Variants in PC observed in about 807,000 individuals in gnomAD.
The protein encoded by PC is pyruvate carboxylase, mitochondrial.
A neutral mutation model predicts 107.8 loss-of-function variants in PC; 46 were observed. The ratio of observed to expected loss-of-function variants is 0.43; its 90% CI spans 0.34 to 0.55. PC has a LOEUF of 0.55. Ranked by LOEUF, PC falls within the 20% of genes least tolerant of loss-of-function variation. PC has a pLI of 0.04. For missense variants in PC, 1,241 were observed against 1,643.1 expected (o/e 0.76, Z 4.23); for synonymous variants, 662 against 684.7 (o/e 0.97, Z 0.52).
intron 3 of PC, among the ~76,000 whole-genome samples, chr11:66,885,763 A>G (rs982193149): frequency 2.0e-5 from 3 of 152,120 alleles, no homozygotes; most frequent in African/African-American, 7.2e-5. Context: ...CATCCGAGAG[A>G]GCACGGCCCT....
At chr11:66,856,090 C>T (rs1415296158) in intron 12 of PC, among the ~76,000 whole-genome samples, 7 of 152,220 alleles carry the variant, frequency 4.6e-5, no homozygotes, top group Admixed American at 3.3e-4. Flanking sequence ...AAACCAGGCT[C>T]GCCGAGCCAC....
At chr11:66,928,212 C>T (rs1948764664) in intron 3 of PC, among the ~76,000 whole-genome samples, 2 of 152,024 alleles carry the variant, frequency 1.3e-5, no homozygotes, top group South Asian at 4.2e-4. Flanking sequence ...CGGTGAAACC[C>T]CATCTCTCCT....
In PC at chr11:66,850,897, C is replaced by T. The variant is rs760695580; in HGVS notation, c.2250G>A (p.Thr750=). Residue 750 remains threonine (T), a synonymous_variant, in exon 18 of 23, where the codon ACG becomes ACA. Transcript: ENST00000393960. ...IKDMAGLLKP[T]ACTMLVSSLR... ...GGGAGCTGACCAGCATGGTGCAGGCCGTGGGCTTCAGCAGCCCGGCCATGT... is the reference window on the plus strand; with the variant it reads ...GGGAGCTGACCAGCATGGTGCAGGCTGTGGGCTTCAGCAGCCCGGCCATGT... 16 of 1,610,196 alleles carry T rather than the reference C, an allele frequency of 9.9e-6. No homozygotes were observed. Among genetic ancestry groups the T allele is most frequent in the South Asian group, 5.5e-5 (5 of 91,080 alleles).
At chr11:66,865,754 C>T (rs1946466639) in intron 11 of PC, among the ~76,000 whole-genome samples, 1 of 152,164 alleles carries the variant, frequency 6.6e-6, no homozygotes, top group African/African-American at 2.4e-5. Context: ...TTGGCTCAGA[C>T]TCCATTGGGA....
At chr11:66,924,839 GGGGAA>G (rs2136099663) in intron 3 of PC, among the ~76,000 whole-genome samples, 1 of 152,288 alleles carries the variant, frequency 6.6e-6, no homozygotes, top group South Asian at 2.1e-4. Context: ...GGAGGTATCG[GGGGAA>G]ACAGCCCCTG....
intron 3 of PC, among the ~76,000 whole-genome samples, chr11:66,875,879 C>G (rs936076782): frequency 6.6e-6 from 1 of 152,096 alleles, no homozygotes. Context: ...AGGTTAATAT[C>G]ACTAGCACCG....
At chr11:66,853,069 G>T in intron 13 of PC, 170 bp downstream of exon 13, 1 of 760,648 alleles carries the variant, frequency 1.3e-6, no homozygotes, top group Non-Finnish European at 2.1e-6. Context: ...AAGGAGAGCA[G>T]TGAATGGCAG....
intron 3 of PC, among the ~76,000 whole-genome samples, chr11:66,911,378 C>T (rs1426756861): frequency 6.8e-6 from 1 of 147,100 alleles, no homozygotes; most frequent in East Asian, 2.0e-4. Flanking sequence ...CCCACTAGAC[C>T]AGGGATAATA....
In PC at chr11:66,870,303, T is replaced by C; in HGVS notation, c.902A>G (p.Gln301Arg). 1 of 1,613,064 alleles carries C rather than the reference T, an allele frequency of 6.2e-7. No homozygotes were observed. The highest frequency in any genetic ancestry group is 1.7e-5 in the Admixed American group (1 of 60,014). ...CAACACGGGAAGCCCACCCTTCACC[T>C]GTTTAGCGAGTTTCACAGAGTCGCT... ...LTSDSVKLAK[Q>R]VGYENAGTVE... The change falls in exon 9 of 23, where the codon CAG becomes CGG. Residue 301 changes from glutamine (Q) to arginine (R), a missense_variant and splice_region_variant. Gln to Arg is a conservative substitution (Grantham distance 43). Transcript: ENST00000393960. This position sits in a 1 kb window ranked among gnomAD's most constrained non-coding sequence, Gnocchi z 6.1.
At chr11:66,860,513 G>C in intron 12 of PC, 1 of 702,414 alleles carries the variant, frequency 1.4e-6, no homozygotes, top group Non-Finnish European at 2.6e-6. Context: ...GGTCCCCCGA[G>C]ACGGGAGGAC....
intron 1 of PC, among the ~76,000 whole-genome samples, chr11:66,955,627 C>A (rs1186536184): frequency 6.6e-6 from 1 of 152,174 alleles, no homozygotes; most frequent in East Asian, 1.9e-4. Context: ...AAGCCCCTTC[C>A]CTAAGAGCAG....
chr11:66,915,026 T>C (rs977423296), intron 3 of PC, among the ~76,000 whole-genome samples: 2 of 152,088 alleles, frequency 1.3e-5, no homozygotes, highest in Non-Finnish European at 2.9e-5. Flanking sequence ...AGCAAGACCC[T>C]GTCTCAAAAA....
intron 3 of PC, among the ~76,000 whole-genome samples, chr11:66,892,283 C>G (rs1379676302): frequency 6.6e-6 from 1 of 152,188 alleles, no homozygotes; most frequent in Non-Finnish European, 1.5e-5. Flanking sequence ...AGTTGTAAAA[C>G]AGCCAGTGCT....
At chr11:66,950,224 A>T (rs941531725) in intron 3 of PC, among the ~76,000 whole-genome samples, 2 of 152,188 alleles carry the variant, frequency 1.3e-5, no homozygotes, top group African/African-American at 4.8e-5. Context: ...CCAGAGACTA[A>T]GTATGACTCA....
intron 3 of PC, among the ~76,000 whole-genome samples, chr11:66,925,284 T>C (rs1177735504): frequency 6.6e-6 from 1 of 152,188 alleles, no homozygotes; most frequent in Non-Finnish European, 1.5e-5. Context: ...CTAATAAGCC[T>C]GGGAGCTCTA....
At chr11:66,861,438 G>C (rs1225698033) in intron 12 of PC, among the ~76,000 whole-genome samples, 3 of 152,242 alleles carry the variant, frequency 2.0e-5, no homozygotes, top group Non-Finnish European at 4.4e-5. Context: ...CCACCGGGCA[G>C]CCGAGGTGAG....
At chr11:66,876,690 G>C (rs1199860159) in intron 3 of PC, among the ~76,000 whole-genome samples, 4 of 152,208 alleles carry the variant, frequency 2.6e-5, no homozygotes, top group Admixed American at 2.6e-4. Flanking sequence ...CCCACTAGGA[G>C]GACAGGTCTT....
At chr11:66,947,807 A>G (rs1949336031) in intron 3 of PC, among the ~76,000 whole-genome samples, 1 of 151,326 alleles carries the variant, frequency 6.6e-6, no homozygotes, top group Non-Finnish European at 1.5e-5. Flanking sequence ...TACTAAAAAT[A>G]CAAAAATTAG....
intron 3 of PC, among the ~76,000 whole-genome samples, chr11:66,874,376 C>T (rs1217232643): frequency 6.6e-6 from 1 of 152,210 alleles, no homozygotes; most frequent in Non-Finnish European, 1.5e-5. Flanking sequence ...GTGTGAGCCA[C>T]CACACCCGGC....
Sources: gnomAD v4.1 joint callset for allele counts (sites outside exome capture counted in the v4.1 genomes callset) on GRCh38, gnomAD v4.1.1 for gene constraint, Gnocchi (gnomAD v3.1) non-coding constraint, MANE v1.5 for transcripts, NCBI Gene and HGNC (gene_info 2026-07-23, HGNC 2026-07-21) for gene names.